The following TRAF3 variants were observed in gnomAD, a reference collection of about 807,000 sequenced individuals.
TRAF3 encodes TNF receptor-associated factor 3.
A neutral mutation model predicts 62.3 loss-of-function variants in TRAF3; 13 were observed. That is an observed-to-expected ratio of 0.21 (90% CI 0.14 to 0.33). TRAF3 has a LOEUF of 0.33. TRAF3 is among the 10% of genes least tolerant of loss of function. The probability of loss-of-function intolerance (pLI) is 1.00; values close to 1 mark genes in which losing one functional copy is unlikely to be tolerated. For synonymous variants in TRAF3, 269 were observed against 283.4 expected (o/e 0.95, Z 0.51); for missense variants, 440 against 741.8 (o/e 0.59, Z 4.73).
chr14:102,836,584 G>A (rs1349004892), intron 2 of TRAF3, among the ~76,000 whole-genome samples: 2 of 152,222 alleles, frequency 1.3e-5, no homozygotes, highest in Non-Finnish European at 2.9e-5. Flanking sequence ...TTACACTTTT[G>A]TATATGTGAT....
intron 1 of TRAF3, among the ~76,000 whole-genome samples, chr14:102,781,730 G>C (rs1007046832): frequency 7.9e-5 from 12 of 151,618 alleles, no homozygotes; most frequent in Non-Finnish European, 1.3e-4. Context: ...GGGTTCAAAT[G>C]AGTCTCCTAC....
intron 1 of TRAF3, among the ~76,000 whole-genome samples, chr14:102,797,672 T>C (rs11849271): frequency 0.85 from 129,577 of 151,930 alleles, 55,452 homozygotes; most frequent in East Asian, 0.95. Context: ...AAATAATCAG[T>C]TTTTAAAAAT....
intron 1 of TRAF3, among the ~76,000 whole-genome samples, chr14:102,810,947 A>G (rs1031405205): frequency 6.6e-6 from 1 of 152,242 alleles, no homozygotes; most frequent in African/African-American, 2.4e-5. Flanking sequence ...ACTTACATCA[A>G]GAAGGAATTC....
intron 1 of TRAF3, among the ~76,000 whole-genome samples, chr14:102,798,675 A>G (rs985009551): frequency 6.6e-5 from 10 of 152,068 alleles, no homozygotes; most frequent in African/African-American, 9.7e-5. Context: ...TGGGGCCTCT[A>G]TGTTGCCCAG....
At chr14:102,885,039 C>T (rs956203456) in intron 6 of TRAF3, among the ~76,000 whole-genome samples, 1 of 152,296 alleles carries the variant, frequency 6.6e-6, no homozygotes, top group East Asian at 1.9e-4. Flanking sequence ...CTTCCCTGGC[C>T]ACAGTGCTGC....
intron 1 of TRAF3, among the ~76,000 whole-genome samples, chr14:102,817,003 T>C (rs1354267875): frequency 6.6e-6 from 1 of 151,848 alleles, no homozygotes; most frequent in Non-Finnish European, 1.5e-5. Context: ...AGGAAGGGGG[T>C]CCTTTATGAT....
chr14:102,781,021 G>A (rs1042119122), intron 1 of TRAF3, among the ~76,000 whole-genome samples: 5 of 152,220 alleles, frequency 3.3e-5, no homozygotes, highest in African/African-American at 1.2e-4. Context: ...AAGTAAAAAT[G>A]TAGGATGAAA....
At chr14:102,789,249 A>G (rs190703249) in intron 1 of TRAF3, among the ~76,000 whole-genome samples, 214 of 152,248 alleles carry the variant, frequency 1.4e-3, no homozygotes, top group African/African-American at 4.9e-3. Context: ...ACATGCCACA[A>G]TCTGTCTATT....
chr14:102,892,017 C>T (rs1374235118), intron 9 of TRAF3, among the ~76,000 whole-genome samples: 1 of 151,290 alleles, frequency 6.6e-6, no homozygotes, highest in Admixed American at 6.6e-5. Flanking sequence ...TAGACAGGGC[C>T]ACTTCCCAAA....
intron 2 of TRAF3, among the ~76,000 whole-genome samples, chr14:102,850,861 G>A (rs962950543): frequency 3.3e-5 from 5 of 152,112 alleles, no homozygotes; most frequent in African/African-American, 1.2e-4. Context: ...TTGCTTAGTG[G>A]ATCTGTTGTT....
chr14:102,895,477 T>A (rs1889955070), intron 9 of TRAF3, among the ~76,000 whole-genome samples: 1 of 152,246 alleles, frequency 6.6e-6, no homozygotes, highest in South Asian at 2.1e-4. Context: ...TTATCACATC[T>A]GGTTTTGTGC....
intron 2 of TRAF3, among the ~76,000 whole-genome samples, chr14:102,832,382 A>T (rs1026402767): frequency 2.0e-5 from 3 of 152,216 alleles, no homozygotes; most frequent in South Asian, 4.1e-4. Flanking sequence ...GTTAATATTT[A>T]TCAAGCACTG....
At chr14:102,834,751 A>C (rs1196166504) in intron 2 of TRAF3, among the ~76,000 whole-genome samples, 1 of 151,974 alleles carries the variant, frequency 6.6e-6, no homozygotes, top group Non-Finnish European at 1.5e-5. Flanking sequence ...AATCAACAAA[A>C]GATGGATTAA....
chr14:102,869,328 T>A (rs1888192614), intron 2 of TRAF3, among the ~76,000 whole-genome samples: 2 of 152,148 alleles, frequency 1.3e-5, no homozygotes, highest in Non-Finnish European at 2.9e-5. Flanking sequence ...AGAAGCAGGT[T>A]GACCAGGCCA....
intron 2 of TRAF3, among the ~76,000 whole-genome samples, chr14:102,833,828 A>G (rs1391984638): frequency 1.3e-5 from 2 of 152,028 alleles, no homozygotes; most frequent in East Asian, 3.9e-4. Context: ...CCCCATCTCT[A>G]CTAAAAATAC....
At position 102,898,347 on chromosome 14, in the gene TRAF3, G is replaced by A. The variant is rs1215949603; in HGVS notation, c.960+946G>A. On this transcript the variant is annotated intron_variant, in intron 10 of 11. Transcript: ENST00000392745. The stretch of plus-strand genomic sequence containing the variant: ...GTATTAGAAAAGGCACAAGTCATTA[G>A]CATTAAATCAAGCCAAATAAAGTAC... 4.6e-5 allele frequency among the ~76,000 whole-genome samples: 7 copies of A among 152,236 alleles called. No homozygotes were observed. The East Asian group carries it at 1.3e-3, about 29-fold the overall frequency.
intron 2 of TRAF3, among the ~76,000 whole-genome samples, chr14:102,840,357 A>G (rs976079366): frequency 1.2e-4 from 18 of 152,138 alleles, no homozygotes; most frequent in Non-Finnish European, 5.9e-5. Context: ...CAGCCTCCTA[A>G]GTAGCTGAGA....
rs954572680 is a variant in TRAF3, at chr14:102,826,186, G to C, written c.-156-4148G>C. Among the ~76,000 whole-genome samples the C allele has an allele frequency of 2.6e-5, 4 of 152,276 alleles. 1 individual carries two copies. In the South Asian group the frequency reaches 8.3e-4, roughly 32 times the overall value. On this transcript the variant is annotated intron_variant, in intron 1 of 11. Coordinates refer to ENST00000392745, the MANE Select transcript of TRAF3 (RefSeq NM_145725.3). The surrounding 1 kb of genome is among the most constrained non-coding windows in gnomAD (Gnocchi z 4.6). ...AGAAGGGGAGGTTAGGATGTGGCTG[G>C]AGGAGGCTGGTTCCTGGGTGTAAAT...
intron 4 of TRAF3, among the ~76,000 whole-genome samples, chr14:102,873,804 CA>C (rs1468683233): frequency 6.6e-6 from 1 of 152,008 alleles, no homozygotes; most frequent in Admixed American, 6.6e-5. Flanking sequence ...GCTTTGGCTC[CA>C]AATTAGTTTA....
Sources: allele counts gnomAD v4.1 joint callset (sites outside exome capture counted in the v4.1 genomes callset), GRCh38; gene constraint gnomAD v4.1.1; non-coding constraint Gnocchi (gnomAD v3.1); transcripts MANE v1.5; gene names NCBI Gene and HGNC (gene_info 2026-07-23, HGNC 2026-07-21).